Variants in KNL1 observed in about 807,000 individuals in gnomAD.
KNL1 encodes the protein kinetochore scaffold 1, also known as outer kinetochore KNL1 complex subunit KNL1.
A neutral mutation model predicts 201.3 loss-of-function variants in KNL1; 66 were observed. That is an observed-to-expected ratio of 0.33 (90% CI 0.27 to 0.40). The LOEUF is 0.40. Ranked by LOEUF, KNL1 falls within the 10% of genes least tolerant of loss-of-function variation. KNL1 has a pLI of 1.00. For missense variants in KNL1, 2,815 were observed against 2,690.5 expected (o/e 1.05, Z -1.02); for synonymous variants, 895 against 899.2 (o/e 1.00, Z 0.08).
chr15:40,652,766 A>AAG, intron 21 of KNL1, among the ~76,000 whole-genome samples: 1 of 151,796 alleles, frequency 6.6e-6, no homozygotes, highest in South Asian at 2.1e-4. Context: ...GTCTCAAAAA[A>AAG]AAAAAAAAAA....
chr15:40,661,814 G>C (rs1480728370), intron 25 of KNL1, among the ~76,000 whole-genome samples: 2 of 152,022 alleles, frequency 1.3e-5, no homozygotes. Context: ...AGGCCGAGGT[G>C]GGTGGATCAC....
chr15:40,624,879 G>C lies in KNL1; in HGVS notation c.4615G>C (p.Ala1539Pro), dbSNP rs199770734. 1.9e-6 allele frequency: 3 copies of C among 1,612,440 alleles called. No homozygotes were observed. Among genetic ancestry groups the C allele is most frequent in the Non-Finnish European group, 2.5e-6 (3 of 1,179,712 alleles). The change falls in exon 10 of 26, where the codon GCT (alanine) becomes CCT (proline). Residue 1539 changes from alanine (A) to proline (P), a missense_variant. Physicochemically the swap from Ala to Pro is conservative, Grantham distance 27. Around this residue, in one of 3 missense-constraint regions of KNL1, gnomAD observed 2,464 missense variants for 2,291.7 expected, o/e 1.08. Coordinates refer to ENST00000399668, the MANE Select transcript of KNL1 (RefSeq NM_144508.5). The stretch of plus-strand genomic sequence containing the variant: ...GCAAGTCATTCAAACTCATGTCAAT[G>C]CTGGAGAAGCACCAGATCCTGTAAT... ...TKQVIQTHVN[A>P]GEAPDPVITS...
chr15:40,654,737 C>T (rs1029285169), intron 21 of KNL1, among the ~76,000 whole-genome samples, 172 bp from the exon 22 acceptor site: 18 of 151,784 alleles, frequency 1.2e-4, no homozygotes, highest in Admixed American at 3.9e-4. Flanking sequence ...GGTGTGGTGG[C>T]GGGCGCCTGT....
Position 40,625,066 on chromosome 15 carries a change from A to AAGCT in KNL1, c.4804_4807dup (p.Thr1603SerfsTer6). ...GCACACAATGATATGCATATAGTGC[A>AAGCT]AGCTACAGAAATACATAATATTAAC... On this transcript the variant is annotated frameshift_variant, in exon 10 of 26. Coordinates refer to ENST00000399668, the MANE Select transcript of KNL1 (RefSeq NM_144508.5). LOFTEE classifies it high-confidence loss of function. 6.2e-7 allele frequency: 1 copy of AAGCT among 1,613,748 alleles called. No individual in the cohort carries two copies. The highest frequency in any genetic ancestry group is 8.5e-7 in the Non-Finnish European group (1 of 1,179,794).
In KNL1 at chr15:40,622,097, A is replaced by T; in HGVS notation, c.1833A>T (p.Glu611Asp). The change falls in exon 10 of 26, where the codon GAA (glutamate) becomes GAT (aspartate). Residue 611 changes from glutamate (E) to aspartate (D), a missense_variant. Around this residue, in one of 3 missense-constraint regions of KNL1, gnomAD observed 2,464 missense variants for 2,291.7 expected, o/e 1.08. Coordinates refer to ENST00000399668, the MANE Select transcript of KNL1 (RefSeq NM_144508.5). ...CTCAGAGCAAAAGCTCTTCAGATGA[A>T]TGTGAAGAAATTACCAAAAGTCGTA... The part of the protein sequence containing the change: ...SHSQSKSSSD[E>D]CEEITKSRNE... The T allele has an allele frequency of 6.2e-7, 1 of 1,614,102 alleles. No homozygotes were observed. The highest frequency in any genetic ancestry group is 8.5e-7 in the Non-Finnish European group (1 of 1,179,972).
intron 13 of KNL1, among the ~76,000 whole-genome samples, chr15:40,632,820 G>C (rs1487295672): frequency 6.6e-6 from 1 of 152,082 alleles, no homozygotes; most frequent in Non-Finnish European, 1.5e-5. Context: ...AGGAGTTTGA[G>C]ACCAGCCTGG....
intron 10 of KNL1, 23 bp downstream of exon 10, chr15:40,625,663 G>T (rs1406032147): frequency 3.2e-6 from 5 of 1,570,718 alleles, no homozygotes; most frequent in Non-Finnish European, 4.3e-6. Flanking sequence ...TTGAACCAAA[G>T]AATGTTCTTG....
chr15:40,606,277 G>C, intron 3 of KNL1, 116 bp from the exon 4 acceptor site: 1 of 630,176 alleles, frequency 1.6e-6, no homozygotes, highest in Non-Finnish European at 2.9e-6. Context: ...TGAATTTGAG[G>C]AGTTTCAGAG....
At chr15:40,633,986 A>C (rs1335208302) in intron 13 of KNL1, among the ~76,000 whole-genome samples, 1 of 152,232 alleles carries the variant, frequency 6.6e-6, no homozygotes, top group Non-Finnish European at 1.5e-5. Flanking sequence ...ATTTCTCAAG[A>C]CCTTCCAGTA....
At chr15:40,659,493 G>A (rs1893840444) in intron 25 of KNL1, 32 bp downstream of exon 25, 1 of 1,588,176 alleles carries the variant, frequency 6.3e-7, no homozygotes, top group Non-Finnish European at 8.6e-7. Flanking sequence ...TAAGACTCTG[G>A]GCTACTTCTT....
intron 8 of KNL1, among the ~76,000 whole-genome samples, chr15:40,616,929 A>G (rs962500668): frequency 7.2e-5 from 11 of 152,052 alleles, no homozygotes; most frequent in African/African-American, 2.7e-4. Context: ...TTCTGCCTAT[A>G]TGCATTTATT....
intron 1 of KNL1, among the ~76,000 whole-genome samples, chr15:40,596,425 C>G (rs531269323): frequency 6.6e-6 from 1 of 152,030 alleles, no homozygotes; most frequent in Admixed American, 6.5e-5. Flanking sequence ...TATAGGCACC[C>G]GCCACCATGC....
Position 40,620,960 on chromosome 15 carries a change from T to G in KNL1, c.696T>G (p.Asp232Glu). ...LKTGKCSAFP[D>E]VPDKENFEIP... Reference sequence around the variant, plus strand: ...CAGGAAAATGTAGTGCTTTTCCTGATGTGCCTGATAAAGAAAATTTTGAGA... The same window carrying G: ...CAGGAAAATGTAGTGCTTTTCCTGAGGTGCCTGATAAAGAAAATTTTGAGA... Residue 232 changes from aspartate (D) to glutamate (E), a missense_variant, in exon 10 of 26, where the codon GAT becomes GAG. Physicochemically the swap from Asp to Glu is conservative, Grantham distance 45. Transcript: ENST00000399668. 6.2e-7 allele frequency: 1 copy of G among 1,606,450 alleles called. No individual in the cohort carries two copies. The highest frequency in any genetic ancestry group is 1.3e-5 in the African/African-American group (1 of 74,338).
At chr15:40,629,608 A>G (rs1892855432) in intron 13 of KNL1, among the ~76,000 whole-genome samples, 2 of 143,246 alleles carry the variant, frequency 1.4e-5, no homozygotes, top group African/African-American at 2.6e-5. Context: ...GGTTCAAGTG[A>G]TTCTCTTGTC....
intron 1 of KNL1, among the ~76,000 whole-genome samples, chr15:40,595,063 A>G (rs974795283): frequency 6.6e-6 from 1 of 152,232 alleles, no homozygotes; most frequent in Non-Finnish European, 1.5e-5. Context: ...GCCGATTGGA[A>G]TTTTACAGAT....
intron 1 of KNL1, among the ~76,000 whole-genome samples, chr15:40,597,140 G>T (rs866353395): frequency 6.6e-6 from 1 of 152,084 alleles, no homozygotes; most frequent in Non-Finnish European, 1.5e-5. Context: ...CCTGACAGGT[G>T]TTCAGAACTG....
chr15:40,601,060 G>A (rs368973824), intron 1 of KNL1, among the ~76,000 whole-genome samples: 5 of 152,190 alleles, frequency 3.3e-5, no homozygotes, highest in Non-Finnish European at 5.9e-5. Context: ...GCCGTGGAAC[G>A]GTATAGGTCC....
intron 8 of KNL1, chr15:40,615,637 C>G: frequency 1.1e-5 from 2 of 173,930 alleles, no homozygotes; most frequent in Non-Finnish European, 2.4e-5. Context: ...CGTGGTGGTG[C>G]GCTCCTGTAG....
Position 40,624,918 on chromosome 15 carries a change from C to T in KNL1, c.4654C>T (p.Pro1552Ser). 6.2e-7 allele frequency: 1 copy of T among 1,613,256 alleles called. No individual in the cohort carries two copies. Among genetic ancestry groups the T allele is most frequent in the Non-Finnish European group, 8.5e-7 (1 of 1,179,842 alleles). Residue 1552 changes from proline to serine, a missense_variant, in exon 10 of 26, where the codon CCA (proline) becomes TCA (serine). Physicochemically the swap from Pro to Ser is moderately conservative, Grantham distance 74. Around this residue, in one of 3 missense-constraint regions of KNL1, gnomAD observed 2,464 missense variants for 2,291.7 expected, o/e 1.08. Coordinates refer to ENST00000399668, the MANE Select transcript of KNL1 (RefSeq NM_144508.5). ...APDPVITSNV[P>S]CFHSIKPNLN... is the part of the protein sequence containing the mutation. ...AGATCCTGTAATTACATCTAATGTTCCATGTTTTCATAGTATCAAACCAAA... is the reference window on the plus strand; with the variant it reads ...AGATCCTGTAATTACATCTAATGTTTCATGTTTTCATAGTATCAAACCAAA...
Sources: gnomAD v4.1 joint callset for allele counts (sites outside exome capture counted in the v4.1 genomes callset) on GRCh38, gnomAD v4.1.1 for gene constraint, gnomAD v4.1.1 regional missense constraint, MANE v1.5 for transcripts, NCBI Gene and HGNC (gene_info 2026-07-23, HGNC 2026-07-21) for gene names.